Variants in TFAP2B observed in about 807,000 individuals in gnomAD.
The protein encoded by TFAP2B is transcription factor AP-2-beta.
Under a neutral mutation model 44.3 loss-of-function variants are expected in TFAP2B, and 9 were observed. The ratio of observed to expected loss-of-function variants is 0.20; its 90% CI spans 0.12 to 0.35. The LOEUF (loss-of-function observed/expected upper bound fraction) is 0.35. Ranked by LOEUF, TFAP2B falls within the 10% of genes least tolerant of loss-of-function variation. The probability of loss-of-function intolerance (pLI) is 1.00; values close to 1 mark genes in which losing one functional copy is unlikely to be tolerated. For synonymous variants in TFAP2B, 270 were observed against 263.8 expected (o/e 1.02, Z -0.23); for missense variants, 509 against 600.0 (o/e 0.85, Z 1.59).
intron 3 of TFAP2B, among the ~76,000 whole-genome samples, 194 bp downstream of exon 3, chr6:50,828,873 A>G (rs1770597822): frequency 6.6e-6 from 1 of 152,246 alleles, no homozygotes; most frequent in Admixed American, 6.5e-5. Context: ...GAATGAAAAC[A>G]TCAGACACAA....
intron 3 of TFAP2B, among the ~76,000 whole-genome samples, chr6:50,831,883 G>A (rs1762503848): frequency 6.6e-6 from 1 of 152,132 alleles, no homozygotes; most frequent in Non-Finnish European, 1.5e-5. Flanking sequence ...TGACTGTGGG[G>A]CATTTTCATT....
At chr6:50,840,422 C>A in intron 6 of TFAP2B, 125 bp downstream of exon 6, 1 of 1,262,798 alleles carries the variant, frequency 7.9e-7, no homozygotes, top group Non-Finnish European at 1.1e-6. Flanking sequence ...GCATTTGCAG[C>A]CTCTGGCAAG....
chr6:50,823,323 T>G (rs1770407008), intron 1 of TFAP2B, 84 bp from the exon 2 acceptor site: 1 of 1,215,068 alleles, frequency 8.2e-7, no homozygotes, highest in Non-Finnish European at 1.2e-6. Flanking sequence ...TCTTCCTCTC[T>G]GTACTCTCTG....
chr6:50,847,294 T>C lies in TFAP2B; in HGVS notation c.*3902T>C, dbSNP rs1762868947. On this transcript the variant is annotated 3_prime_UTR_variant, in exon 7 of 7. Transcript: ENST00000393655. ...GGTCTCTAATTCTCTAACATTGTTTTTGCCACACAATCAAGAAATATCAAT... is the reference window on the plus strand; with the variant it reads ...GGTCTCTAATTCTCTAACATTGTTTCTGCCACACAATCAAGAAATATCAAT... 6.6e-6 allele frequency: 1 copy of C among 152,652 alleles called. No individual in the cohort carries two copies. The highest frequency in any genetic ancestry group is 1.5e-5 in the Non-Finnish European group (1 of 68,044). 9.5% of individuals were successfully genotyped at this position (152,652 alleles called of 1,614,324 possible).
In TFAP2B at chr6:50,843,497, A is replaced by G. The variant is rs1762776917; in HGVS notation, c.*105A>G. The G allele has an allele frequency of 8.5e-7, 1 of 1,180,058 alleles. No homozygotes were observed. Among genetic ancestry groups the G allele is most frequent in the Non-Finnish European group, 1.2e-6 (1 of 838,280 alleles). 73.1% of individuals were successfully genotyped at this position (1,180,058 alleles called of 1,614,324 possible). A position where few individuals can be genotyped will look rare whatever the true frequency, so the allele number is the denominator to read the frequency against. On this transcript the variant is annotated 3_prime_UTR_variant, in exon 7 of 7. Transcript: ENST00000393655. ...ATTGGATTGGCTTTGGAAGAATTAT[A>G]TTAGGTAGAATACACATACAATCAA...
chr6:50,842,593 G>A (rs1762754028), intron 6 of TFAP2B, among the ~76,000 whole-genome samples: 1 of 152,182 alleles, frequency 6.6e-6, no homozygotes, highest in African/African-American at 2.4e-5. Flanking sequence ...ACAGTTTCTT[G>A]CCCTGGGCCA....
Position 50,836,187 on chromosome 6 carries a change from C to T in TFAP2B, c.728C>T (p.Thr243Ile), listed in dbSNP as rs745682150. The T allele has an allele frequency of 1.7e-5, 27 of 1,614,000 alleles. No individual in the cohort carries two copies. Among genetic ancestry groups the T allele is most frequent in the South Asian group, 2.2e-5 (2 of 91,086 alleles). ...VPGRLSLLSS[T>I]SKYKVTVGEV... ...GGCCGTTTGTCTCTGCTCAGTTCAA[C>T]TTCGAAGTACAAAGTAACTGTGGGA... Residue 243 changes from threonine to isoleucine, a missense_variant, in exon 4 of 7, where the codon ACT becomes ATT. Thr to Ile is a moderately conservative substitution (Grantham distance 89, BLOSUM62 -1). Around this residue, in one of 3 missense-constraint regions of TFAP2B, gnomAD observed 45 missense variants for 108.6 expected, o/e 0.41. Transcript: ENST00000393655.
At chr6:50,829,536 T>A (rs567313278) in intron 3 of TFAP2B, among the ~76,000 whole-genome samples, 57 of 152,288 alleles carry the variant, frequency 3.7e-4, no homozygotes, top group African/African-American at 1.3e-3. Flanking sequence ...AACAGTGCAA[T>A]CTTTAATTAT....
At chr6:50,833,618 A>G (rs1033888926) in intron 3 of TFAP2B, among the ~76,000 whole-genome samples, 3 of 152,208 alleles carry the variant, frequency 2.0e-5, no homozygotes, top group Non-Finnish European at 4.4e-5. Context: ...GTGATAATGT[A>G]TATGCAGAAA....
At chr6:50,834,898 G>T (rs1762588625) in intron 3 of TFAP2B, among the ~76,000 whole-genome samples, 1 of 152,188 alleles carries the variant, frequency 6.6e-6, no homozygotes, top group Non-Finnish European at 1.5e-5. Context: ...GGAAAGTCAG[G>T]AGGTATAGCC....
chr6:50,828,241 G>A (rs929443905), intron 2 of TFAP2B, among the ~76,000 whole-genome samples: 7 of 152,266 alleles, frequency 4.6e-5, no homozygotes, highest in Middle Eastern at 3.4e-3. Context: ...GATGCACTGG[G>A]ATAGAATGGA....
In TFAP2B at chr6:50,843,322, C is replaced by A; in HGVS notation, c.1313C>A (p.Thr438Asn). 1 of 1,614,138 alleles carries A rather than the reference C, an allele frequency of 6.2e-7. No homozygotes were observed. Among genetic ancestry groups the A allele is most frequent in the East Asian group, 2.2e-5 (1 of 44,862 alleles). ...MDKMFLNNTT[T>N]NRHTSGEGPG... is the part of the protein sequence containing the mutation. The stretch of plus-strand genomic sequence containing the variant: ...AAGATGTTCTTGAACAACACCACCA[C>A]TAACAGGCACACGTCTGGGGAAGGC... Residue 438 changes from threonine to asparagine, a missense_variant, in exon 7 of 7, where the codon ACT becomes AAT. Physicochemically the swap from Thr to Asn is moderately conservative, Grantham distance 65 (BLOSUM62 0). Coordinates refer to ENST00000393655, the MANE Select transcript of TFAP2B (RefSeq NM_003221.4).
chr6:50,822,245 G>C (rs1561957613), intron 1 of TFAP2B: 2 of 1,059,384 alleles, frequency 1.9e-6, no homozygotes, highest in South Asian at 1.3e-5. Context: ...GTGTGTGTGT[G>C]TCTCACACTC....
rs1762816007 is a variant in TFAP2B, at chr6:50,844,969, A to C, written c.*1577A>C. 6.6e-6 allele frequency: 1 copy of C among 152,242 alleles called. No homozygotes were observed. Among genetic ancestry groups the C allele is most frequent in the Non-Finnish European group, 1.5e-5 (1 of 68,044 alleles). The allele number at this position is 152,242 out of a possible 1,614,324, so 9.4% of individuals were successfully genotyped here. A position where few individuals can be genotyped will look rare whatever the true frequency, so the allele number is the denominator to read the frequency against. On this transcript the variant is annotated 3_prime_UTR_variant, in exon 7 of 7. Transcript: ENST00000393655. ...GCTTTGATTTTTACCGTCTGGATAC[A>C]TCGGGACTATTCCCAGTGGATAAAG...
At chr6:50,822,299 T>C (rs1304388435) in intron 1 of TFAP2B, 1 of 647,820 alleles carries the variant, frequency 1.5e-6, no homozygotes, top group East Asian at 6.7e-5. Flanking sequence ...GGCTTGGTAA[T>C]TTAGCACCAT....
At chr6:50,839,759 A>G (rs1762689465) in intron 5 of TFAP2B, among the ~76,000 whole-genome samples, 1 of 152,230 alleles carries the variant, frequency 6.6e-6, no homozygotes. Flanking sequence ...TAGCAAGATG[A>G]TGGTCACTTT....
Position 50,843,374 on chromosome 6 carries a change from G to A in TFAP2B, c.1365G>A (p.Glu455=), listed in dbSNP as rs1020616298. ...EGPGSKTGDK[E]EKHRK The stretch of plus-strand genomic sequence containing the variant: ...CAGGTAGTAAAACTGGCGACAAGGA[G>A]GAGAAACACAGGAAATGAAAAATTT... Residue 455 remains glutamate, a synonymous_variant, in exon 7 of 7, where the codon GAG becomes GAA. Transcript: ENST00000393655. 2 of 1,613,430 alleles carry A rather than the reference G, an allele frequency of 1.2e-6. No homozygotes were observed. Among genetic ancestry groups the A allele is most frequent in the Non-Finnish European group, 1.7e-6 (2 of 1,179,838 alleles).
At chr6:50,831,730 A>T (rs994009379) in intron 3 of TFAP2B, among the ~76,000 whole-genome samples, 1 of 152,202 alleles carries the variant, frequency 6.6e-6, no homozygotes, top group African/African-American at 2.4e-5. Context: ...TTAACTCAAA[A>T]AAAGGCTCAC....
At position 50,843,175 on chromosome 6, in the gene TFAP2B, C is replaced by T. The variant is rs771531594; in HGVS notation, c.1166C>T (p.Pro389Leu). ...GNSRPSPILEPGIQSCLTHFS... is the reference protein window; with the variant it reads ...GNSRPSPILELGIQSCLTHFS... ...AGCCGACCCAGCCCCATCCTGGAGC[C>T]GGGGATCCAGAGCTGCCTCACGCAC... is the stretch of plus-strand genomic sequence containing the variant. Residue 389 changes from proline (P) to leucine (L), a missense_variant, in exon 7 of 7, where the codon CCG becomes CTG. Transcript: ENST00000393655. The T allele has an allele frequency of 3.7e-6, 6 of 1,614,238 alleles. No homozygotes were observed. Among genetic ancestry groups the T allele is most frequent in the Admixed American group, 1.7e-5 (1 of 60,038 alleles).
Sources: allele counts gnomAD v4.1 joint callset (sites outside exome capture counted in the v4.1 genomes callset), GRCh38; gene constraint gnomAD v4.1.1; regional missense constraint gnomAD v4.1.1; transcripts MANE v1.5; gene names NCBI Gene and HGNC (gene_info 2026-07-23, HGNC 2026-07-21).